Variants in AOAH observed in about 807,000 individuals in gnomAD.
AOAH encodes the protein acyloxyacyl hydrolase, also known as acyloxyacyl hydrolase (neutrophil).
A neutral mutation model predicts 92.2 loss-of-function variants in AOAH; 64 were observed. That is an observed-to-expected ratio of 0.69 (90% CI 0.57 to 0.86). The LOEUF is 0.86. AOAH is among the 40% of genes least tolerant of loss of function. The pLI is 0.00. For synonymous variants in AOAH, 263 were observed against 254.5 expected (o/e 1.03, Z -0.32); for missense variants, 656 against 694.6 (o/e 0.94, Z 0.62).
rs1789951136 is a variant in AOAH, at chr7:36,594,352, C to G, written c.925G>C (p.Asp309His). The change falls in exon 12 of 21, where the codon GAC becomes CAC. Residue 309 changes from aspartate to histidine, a missense_variant. Physicochemically the swap from Asp to His is moderately conservative, Grantham distance 81 (BLOSUM62 -1). Coordinates refer to ENST00000617537, the MANE Select transcript of AOAH (RefSeq NM_001637.4). ...AAAGACACTTACCCAACAGTGGAGTCCAGAAATCCTGTAGCACCAGAGAGT... is the reference window on the plus strand; with the variant it reads ...AAAGACACTTACCCAACAGTGGAGTGCAGAAATCCTGTAGCACCAGAGAGT... ...PQLSGATGFLDSTVGIKEKSI... is the reference protein window; with the variant it reads ...PQLSGATGFLHSTVGIKEKSI... The G allele has an allele frequency of 6.2e-7, 1 of 1,613,802 alleles. No individual in the cohort carries two copies. Among genetic ancestry groups the G allele is most frequent in the Non-Finnish European group, 8.5e-7 (1 of 1,179,734 alleles).
At chr7:36,655,330 A>C (rs1794814557) in intron 4 of AOAH, among the ~76,000 whole-genome samples, 1 of 148,514 alleles carries the variant, frequency 6.7e-6, no homozygotes, top group South Asian at 2.1e-4. Flanking sequence ...AAGGAGAGTT[A>C]ACATTTTGTT....
At chr7:36,623,289 A>G (rs1792418165) in intron 6 of AOAH, 39 bp from the exon 7 acceptor site, 2 of 1,578,068 alleles carry the variant, frequency 1.3e-6, no homozygotes, top group Non-Finnish European at 1.7e-6. Flanking sequence ...GAGCTAACAA[A>G]AAAAGTAACA....
intron 16 of AOAH, among the ~76,000 whole-genome samples, chr7:36,537,498 C>A (rs1785144240): frequency 9.0e-6 from 1 of 110,610 alleles, no homozygotes; most frequent in Non-Finnish European, 1.8e-5. Context: ...GCTAGTTGCA[C>A]CCCTCTTGTT....
At chr7:36,609,688 G>T (rs1179508635) in intron 11 of AOAH, among the ~76,000 whole-genome samples, 3 of 152,110 alleles carry the variant, frequency 2.0e-5, no homozygotes, top group Non-Finnish European at 2.9e-5. Context: ...GTTTGCGGGG[G>T]AGCGTGTGCA....
At chr7:36,696,797 G>A (rs1373020525) in intron 1 of AOAH, among the ~76,000 whole-genome samples, 6 of 151,952 alleles carry the variant, frequency 3.9e-5, no homozygotes, top group Admixed American at 2.0e-4. Flanking sequence ...ACCGGGAGGC[G>A]GAGGTTGCAG....
At chr7:36,719,068 C>A (rs1584193651) in intron 1 of AOAH, among the ~76,000 whole-genome samples, 2 of 152,146 alleles carry the variant, frequency 1.3e-5, no homozygotes, top group Non-Finnish European at 2.9e-5. Context: ...AACTATGTAA[C>A]CTTGAACAAG....
intron 5 of AOAH, among the ~76,000 whole-genome samples, chr7:36,634,175 A>AAGGT (rs1793356723): frequency 6.6e-6 from 1 of 152,150 alleles, no homozygotes; most frequent in African/African-American, 2.4e-5. Context: ...AGCTTCTACT[A>AAGGT]AGGTAGGAGA....
chr7:36,687,269 T>C (rs1562697501), intron 1 of AOAH, among the ~76,000 whole-genome samples: 1 of 152,152 alleles, frequency 6.6e-6, no homozygotes, highest in East Asian at 1.9e-4. Context: ...GCTGTGATGG[T>C]TAAATGAGAT....
intron 2 of AOAH, among the ~76,000 whole-genome samples, chr7:36,684,756 A>C (rs961829232): frequency 2.6e-5 from 4 of 151,428 alleles, no homozygotes; most frequent in Admixed American, 1.3e-4. Context: ...CTGTCTCAGC[A>C]AAAAAATTTA....
At chr7:36,723,790 G>A (rs559208545) in intron 1 of AOAH, among the ~76,000 whole-genome samples, 3 of 152,218 alleles carry the variant, frequency 2.0e-5, no homozygotes, top group East Asian at 1.9e-4. Flanking sequence ...CCAATGAGGT[G>A]GAAGAGTTTT....
intron 4 of AOAH, among the ~76,000 whole-genome samples, chr7:36,654,814 G>A (rs117118060): frequency 0.014 from 2,116 of 152,252 alleles, 23 homozygotes; most frequent in Non-Finnish European, 0.022. Flanking sequence ...AGAGAGCACG[G>A]TGAATGAGAA....
At chr7:36,540,742 A>T (rs1785373063) in intron 15 of AOAH, among the ~76,000 whole-genome samples, 2 of 152,188 alleles carry the variant, frequency 1.3e-5, no homozygotes, top group South Asian at 4.1e-4. Flanking sequence ...CTGAAGTGAC[A>T]TGTGTCATAT....
chr7:36,657,271 G>T (rs1166750189), intron 4 of AOAH, among the ~76,000 whole-genome samples: 4 of 152,184 alleles, frequency 2.6e-5, no homozygotes, highest in Non-Finnish European at 4.4e-5. Context: ...AACAACCGGG[G>T]TGTGAACCCA....
At chr7:36,518,140 T>C (rs1244704171) in intron 20 of AOAH, among the ~76,000 whole-genome samples, 1 of 152,148 alleles carries the variant, frequency 6.6e-6, no homozygotes, top group Non-Finnish European at 1.5e-5. Flanking sequence ...TCCTATATAC[T>C]TTGCTGTACA....
At chr7:36,558,153 ATGGGTTTT>A (rs1470914958) in intron 13 of AOAH, among the ~76,000 whole-genome samples, 3 of 151,922 alleles carry the variant, frequency 2.0e-5, no homozygotes, top group Non-Finnish European at 2.9e-5. Flanking sequence ...TGATGTACAG[ATGGGTTTT>A]TGGTGTGGAT....
chr7:36,515,709 C>CA (rs1783626161), intron 20 of AOAH, among the ~76,000 whole-genome samples: 1 of 127,074 alleles, frequency 7.9e-6, no homozygotes, highest in African/African-American at 3.2e-5. Context: ...ACACACCCCC[C>CA]CACACACCAC....
At position 36,512,943 on chromosome 7, in the gene AOAH, G is replaced by GT. The variant is rs1562847923; in HGVS notation, c.*308dup. ...TTGCTGAACATCGCTGGACTTAAGT[G>GT]TTTTTAGAAACTCCTTTTAGAACAA... is the stretch of plus-strand genomic sequence containing the variant. On this transcript the variant is annotated 3_prime_UTR_variant, in exon 21 of 21. Coordinates refer to ENST00000617537, the MANE Select transcript of AOAH (RefSeq NM_001637.4). 1.1e-5 allele frequency: 12 copies of GT among 1,137,178 alleles called. No homozygotes were observed. The highest frequency in any genetic ancestry group is 1.5e-5 in the Non-Finnish European group (12 of 811,454). The allele number at this position is 1,137,178 out of a possible 1,614,324, so 70.4% of individuals were successfully genotyped here.
intron 13 of AOAH, among the ~76,000 whole-genome samples, chr7:36,562,149 T>C (rs1430541696): frequency 6.6e-6 from 1 of 152,246 alleles, no homozygotes; most frequent in Non-Finnish European, 1.5e-5. Flanking sequence ...GCAATTCTCA[T>C]GTCACTGTTT....
chr7:36,565,120 T>C (rs1412839136), intron 13 of AOAH, among the ~76,000 whole-genome samples: 1 of 152,248 alleles, frequency 6.6e-6, no homozygotes, highest in Non-Finnish European at 1.5e-5. Context: ...CAGGTTTTGA[T>C]GCTCTAGGCA....
Sources: allele counts gnomAD v4.1 joint callset (sites outside exome capture counted in the v4.1 genomes callset), GRCh38; gene constraint gnomAD v4.1.1; transcripts MANE v1.5; gene names NCBI Gene and HGNC (gene_info 2026-07-23, HGNC 2026-07-21).